Variants in PTCHD4 observed in about 807,000 individuals in gnomAD.
The protein encoded by PTCHD4 is patched domain-containing protein 4.
A neutral mutation model predicts 58.1 loss-of-function variants in PTCHD4; 33 were observed. The observed-to-expected ratio is 0.57, with a 90% CI of 0.43 to 0.76. The LOEUF is 0.76. Ranked by LOEUF, PTCHD4 falls within the 30% of genes least tolerant of loss-of-function variation. The probability of loss-of-function intolerance (pLI) is 0.00; values close to 1 mark genes in which losing one functional copy is unlikely to be tolerated. For synonymous variants in PTCHD4, 478 were observed against 409.6 expected, an observed-to-expected ratio of 1.17 and a Z score of -2.02; for missense variants, 1,058 against 1,027.1, an observed-to-expected ratio of 1.03 and a Z score of -0.41.
rs140711302 is a variant in PTCHD4 at position 48,019,537 on chromosome 6, T to C, written c.418-10423A>G. ...GGATTATGAAGTCAGGAGATTGAGA[T>C]CATCCTGGCTAACATGGTGAAACCC... On this transcript the variant is annotated intron_variant, in intron 3 of 4. Coordinates refer to ENST00000339488, the MANE Select transcript of PTCHD4 (RefSeq NM_001384253.1). Among the ~76,000 whole-genome samples, 112 of 152,102 alleles carry C rather than the reference T, an allele frequency of 7.4e-4. 1 individual carries two copies. Among genetic ancestry groups the C allele is most frequent in the South Asian group, 3.7e-3 (18 of 4,810 alleles).
chr6:47,950,048 AGGCCCC>A (rs1766581254), intron 4 of PTCHD4, among the ~76,000 whole-genome samples: 1 of 92,322 alleles, frequency 1.1e-5, no homozygotes, highest in South Asian at 4.4e-4. Flanking sequence ...ACCCCACAAC[AGGCCCC>A]GGAGTGTGAC....
At chr6:48,103,794 C>T (rs1311903514) in intron 1 of PTCHD4, among the ~76,000 whole-genome samples, 5 of 152,128 alleles carry the variant, frequency 3.3e-5, no homozygotes, top group South Asian at 2.1e-4. Context: ...ACCAGAACTA[C>T]GTGATGAATG....
At chr6:47,888,312 G>T (rs1382310656) in intron 4 of PTCHD4, among the ~76,000 whole-genome samples, 11 of 152,236 alleles carry the variant, frequency 7.2e-5, no homozygotes, top group Non-Finnish European at 2.9e-5. Context: ...AGCCAAGATA[G>T]CGCCACTGCA....
chr6:48,008,398 G>A (rs1762541519), intron 4 of PTCHD4, among the ~76,000 whole-genome samples: 1 of 152,132 alleles, frequency 6.6e-6, no homozygotes, highest in South Asian at 2.1e-4. Flanking sequence ...TTCCAATGTT[G>A]TATAACTTAA....
chr6:48,097,860 T>C (rs1765506828), intron 1 of PTCHD4, among the ~76,000 whole-genome samples: 1 of 152,166 alleles, frequency 6.6e-6, no homozygotes, highest in Non-Finnish European at 1.5e-5. Flanking sequence ...TTTCTGAATA[T>C]ATGTGAAATA....
At chr6:47,920,412 A>G (rs1002754909) in intron 4 of PTCHD4, among the ~76,000 whole-genome samples, 1 of 152,194 alleles carries the variant, frequency 6.6e-6, no homozygotes, top group Non-Finnish European at 1.5e-5. Flanking sequence ...TAGCAAGTAT[A>G]TGCAGAGTGA....
chr6:48,017,070 G>A (rs1762893866), intron 3 of PTCHD4, among the ~76,000 whole-genome samples: 1 of 152,118 alleles, frequency 6.6e-6, no homozygotes, highest in Admixed American at 6.6e-5. Flanking sequence ...GTCTTCCTGT[G>A]TTTAGTAGAT....
intron 4 of PTCHD4, among the ~76,000 whole-genome samples, chr6:47,998,256 T>C (rs1461430274): frequency 6.6e-6 from 1 of 152,170 alleles, no homozygotes; most frequent in Non-Finnish European, 1.5e-5. Context: ...ACCTGCCATA[T>C]TATTATTCTA....
chr6:47,995,314 T>C (rs182222043), intron 4 of PTCHD4, among the ~76,000 whole-genome samples: 361 of 152,130 alleles, frequency 2.4e-3, no homozygotes, highest in African/African-American at 8.2e-3. Context: ...CAGGGAGCAA[T>C]GGGACAGCAT....
At chr6:47,881,914 T>C (rs1764030754) in intron 4 of PTCHD4, among the ~76,000 whole-genome samples, 1 of 152,242 alleles carries the variant, frequency 6.6e-6, no homozygotes, top group East Asian at 1.9e-4. Flanking sequence ...TCGTGTAAAC[T>C]GCATTTAGGA....
intron 4 of PTCHD4, among the ~76,000 whole-genome samples, chr6:47,972,217 A>C (rs1417872437): frequency 6.6e-6 from 1 of 152,180 alleles, no homozygotes; most frequent in Non-Finnish European, 1.5e-5. Context: ...TTGCTAAATC[A>C]ATCACAAAAC....
At chr6:48,080,074 A>T (rs1765135487) in intron 1 of PTCHD4, among the ~76,000 whole-genome samples, 1 of 148,452 alleles carries the variant, frequency 6.7e-6, no homozygotes, top group Admixed American at 6.8e-5. Context: ...GAATCAGCAG[A>T]TGACTTTGTT....
intron 1 of PTCHD4, among the ~76,000 whole-genome samples, chr6:48,074,851 G>T (rs1765034181): frequency 6.6e-6 from 1 of 152,148 alleles, no homozygotes; most frequent in Non-Finnish European, 1.5e-5. Flanking sequence ...CTGTTCAAAT[G>T]AATTGACTTA....
At chr6:48,074,405 G>T in intron 1 of PTCHD4, among the ~76,000 whole-genome samples, 1 of 152,210 alleles carries the variant, frequency 6.6e-6, no homozygotes, top group East Asian at 1.9e-4. Flanking sequence ...TTGCTCCACA[G>T]GCAACACACG....
chr6:48,098,971 C>T (rs994168273), intron 1 of PTCHD4, among the ~76,000 whole-genome samples: 6 of 152,118 alleles, frequency 3.9e-5, no homozygotes, highest in Admixed American at 1.3e-4. Context: ...AGTACCTAGA[C>T]ACAGATTCCT....
In PTCHD4 at chr6:47,905,048, C is replaced by CACACACACACAA. The variant is rs1281216119; in HGVS notation, c.899-25113_899-25112insTTGTGTGTGTGT. 6.3e-5 allele frequency among the ~76,000 whole-genome samples: 5 copies of CACACACACACAA among 79,922 alleles called. No individual in the cohort carries two copies. In the South Asian group the frequency reaches 1.8e-3, roughly 29 times the overall value. The allele number at this position is 79,922 out of a possible 152,430, so 52.4% of individuals were successfully genotyped here. A position where few individuals can be genotyped will look rare whatever the true frequency, so the allele number is the denominator to read the frequency against. ...CTAGGAAGAAAATACAGCCATCACA[C>CACACACACACAA]ACACACACACACACACACACACACA... On this transcript the variant is annotated intron_variant, in intron 4 of 4. Transcript: ENST00000339488.
intron 4 of PTCHD4, among the ~76,000 whole-genome samples, chr6:47,972,728 T>C (rs569003415): frequency 6.6e-6 from 1 of 152,094 alleles, no homozygotes; most frequent in Non-Finnish European, 1.5e-5. Flanking sequence ...GCATATGTAC[T>C]AATTGAGCAA....
chr6:48,079,227 A>G (rs111307848), intron 1 of PTCHD4, among the ~76,000 whole-genome samples: 41 of 152,156 alleles, frequency 2.7e-4, no homozygotes, highest in African/African-American at 9.2e-4. Context: ...CTGTACCCAG[A>G]GAGAAACCTG....
chr6:48,028,745 A>G (rs1251669993), intron 3 of PTCHD4, among the ~76,000 whole-genome samples: 1 of 152,074 alleles, frequency 6.6e-6, no homozygotes, highest in Non-Finnish European at 1.5e-5. Flanking sequence ...GATAACCCAA[A>G]TATTGTTCAT....
Sources: gnomAD v4.1 joint callset for allele counts (sites outside exome capture counted in the v4.1 genomes callset) on GRCh38, gnomAD v4.1.1 for gene constraint, MANE v1.5 for transcripts, NCBI Gene and HGNC (gene_info 2026-07-23, HGNC 2026-07-21) for gene names.